EIF4G3: variants seen among roughly 807,000 people sequenced by gnomAD.
The protein encoded by EIF4G3 is eukaryotic translation initiation factor 4 gamma 3, also known as eIF-4-gamma 3.
Under a neutral mutation model 186.4 loss-of-function variants are expected in EIF4G3, and 34 were observed. That is an observed-to-expected ratio of 0.18 (90% CI 0.14 to 0.24). The LOEUF is 0.24. Ranked by LOEUF, EIF4G3 falls within the 10% of genes least tolerant of loss-of-function variation. The pLI is 1.00. For missense variants in EIF4G3, 1,536 were observed against 1,948.5 expected, an observed-to-expected ratio of 0.79 and a Z score of 3.99; for synonymous variants, 673 against 679.5, an observed-to-expected ratio of 0.99 and a Z score of 0.15.
intron 14 of EIF4G3, among the ~76,000 whole-genome samples, chr1:20,906,406 G>C (rs1342009850): frequency 1.3e-5 from 2 of 152,082 alleles, no homozygotes; most frequent in Non-Finnish European, 2.9e-5. Context: ...GAGTTATAGA[G>C]TTCAGAGAAT....
At chr1:20,873,305 A>C (rs2079750754) in intron 20 of EIF4G3, among the ~76,000 whole-genome samples, 2 of 152,224 alleles carry the variant, frequency 1.3e-5, no homozygotes, top group Non-Finnish European at 2.9e-5. Flanking sequence ...TTCCTGTATA[A>C]AAAATGCTAC....
chr1:21,160,757 A>C (rs1411671435), intron 2 of EIF4G3, among the ~76,000 whole-genome samples: 2 of 152,238 alleles, frequency 1.3e-5, no homozygotes, highest in Non-Finnish European at 2.9e-5. Flanking sequence ...GTTACAAACC[A>C]TAAGAGAATA....
intron 4 of EIF4G3, among the ~76,000 whole-genome samples, chr1:21,050,018 C>G (rs1228493722): frequency 2.0e-5 from 3 of 152,132 alleles, no homozygotes; most frequent in Non-Finnish European, 4.4e-5. Context: ...TCCTATTATT[C>G]AATCTCTAAA....
At chr1:21,068,094 C>T (rs567973356) in intron 3 of EIF4G3, among the ~76,000 whole-genome samples, 1 of 151,950 alleles carries the variant, frequency 6.6e-6, no homozygotes, top group African/African-American at 2.4e-5. Context: ...AAGAAGGGTC[C>T]GGGCACAGTG....
At chr1:20,829,899 C>T (rs1019072951) in intron 30 of EIF4G3, among the ~76,000 whole-genome samples, 6 of 152,108 alleles carry the variant, frequency 3.9e-5, no homozygotes, top group Non-Finnish European at 5.9e-5. Flanking sequence ...CAATGTCAAG[C>T]AAATGGGAAT....
At chr1:21,174,711 A>C (rs1348862208) in intron 2 of EIF4G3, 1 of 152,232 alleles carries the variant, frequency 6.6e-6, no homozygotes, top group African/African-American at 2.4e-5. Context: ...AAAACCAACC[A>C]GGTTTTCCAT....
intron 11 of EIF4G3, among the ~76,000 whole-genome samples, chr1:20,972,146 C>A (rs1404313005): frequency 6.6e-6 from 1 of 152,074 alleles, no homozygotes; most frequent in African/African-American, 2.4e-5. Flanking sequence ...CTTGGGCCTG[C>A]CTCATTAGAC....
chr1:20,993,353 CTTG>C (rs1319934957), intron 7 of EIF4G3, among the ~76,000 whole-genome samples: 3 of 152,104 alleles, frequency 2.0e-5, no homozygotes, highest in South Asian at 2.1e-4. Flanking sequence ...CATTTAAAAT[CTTG>C]TTATTTTTTG....
chr1:21,169,014 C>A (rs1480947949), intron 2 of EIF4G3, among the ~76,000 whole-genome samples: 2 of 151,854 alleles, frequency 1.3e-5, no homozygotes, highest in Non-Finnish European at 2.9e-5. Flanking sequence ...CCCATCTCTA[C>A]AAAAAAATTA....
intron 20 of EIF4G3, among the ~76,000 whole-genome samples, chr1:20,868,157 C>A (rs1283012409): frequency 7.5e-6 from 1 of 133,438 alleles, no homozygotes; most frequent in Non-Finnish European, 1.5e-5. Flanking sequence ...CACTTGTTGT[C>A]TGCTGGACAC....
chr1:20,853,694 T>G lies in EIF4G3; in HGVS notation c.3434-17A>C. On this transcript the variant is annotated splice_polypyrimidine_tract_variant and intron_variant, in intron 26 of 36. Coordinates refer to ENST00000602326, the MANE Select transcript of EIF4G3 (RefSeq NM_001391906.1). ...GTAAGGCATCTACACATGTCGAGGA[T>G]TTAGAAAAAAATACAAATCACATGA... is the stretch of plus-strand genomic sequence containing the variant. 1.9e-6 allele frequency: 3 copies of G among 1,569,452 alleles called. No individual in the cohort carries two copies. The highest frequency in any genetic ancestry group is 2.6e-6 in the Non-Finnish European group (3 of 1,140,096).
chr1:21,118,931 T>TAAAAAAAA (rs35040627), intron 2 of EIF4G3, among the ~76,000 whole-genome samples: 1 of 86,170 alleles, frequency 1.2e-5, no homozygotes, highest in Non-Finnish European at 2.2e-5. Flanking sequence ...CAAGCTCTAT[T>TAAAAAAAA]AAAAAAAAAA....
chr1:20,936,856 T>C (rs1421478271), intron 14 of EIF4G3, among the ~76,000 whole-genome samples: 1 of 152,204 alleles, frequency 6.6e-6, no homozygotes, highest in Non-Finnish European at 1.5e-5. Context: ...AGTATTTTGT[T>C]AACATTACCA....
chr1:20,972,542 G>A (rs1372819740), intron 11 of EIF4G3, among the ~76,000 whole-genome samples: 1 of 152,144 alleles, frequency 6.6e-6, no homozygotes, highest in African/African-American at 2.4e-5. Flanking sequence ...GCTGAGGCAT[G>A]AGAATCGCTT....
At chr1:20,933,865 G>A (rs1042373376) in intron 14 of EIF4G3, among the ~76,000 whole-genome samples, 1 of 152,182 alleles carries the variant, frequency 6.6e-6, no homozygotes, top group African/African-American at 2.4e-5. Flanking sequence ...CTCTGCAAGT[G>A]GAGATATTTG....
At chr1:20,908,278 T>C (rs2092608848) in intron 14 of EIF4G3, among the ~76,000 whole-genome samples, 1 of 152,208 alleles carries the variant, frequency 6.6e-6, no homozygotes, top group Non-Finnish European at 1.5e-5. Context: ...TCATTGTAGA[T>C]TCTGGATATT....
At chr1:20,848,151 G>A (rs2071859802) in intron 29 of EIF4G3, among the ~76,000 whole-genome samples, 1 of 151,996 alleles carries the variant, frequency 6.6e-6, no homozygotes, top group African/African-American at 2.4e-5. Flanking sequence ...ATTTTTTGTA[G>A]AGATGGGGCT....
intron 3 of EIF4G3, among the ~76,000 whole-genome samples, chr1:21,053,306 A>C (rs1571762222): frequency 6.9e-6 from 1 of 145,404 alleles, no homozygotes; most frequent in Non-Finnish European, 1.5e-5. Context: ...TCCGCCCGGC[A>C]GCCACTCCGT....
intron 2 of EIF4G3, among the ~76,000 whole-genome samples, chr1:21,113,964 C>T (rs1311839395): frequency 6.6e-6 from 1 of 152,132 alleles, no homozygotes; most frequent in Non-Finnish European, 1.5e-5. Context: ...TGCAATGAGC[C>T]ATGATCACAG....
Sources: gnomAD v4.1 joint callset for allele counts (sites outside exome capture counted in the v4.1 genomes callset) on GRCh38, gnomAD v4.1.1 for gene constraint, MANE v1.5 for transcripts, NCBI Gene and HGNC (gene_info 2026-07-23, HGNC 2026-07-21) for gene names.